DCC: variants seen among roughly 807,000 people sequenced by gnomAD.
DCC encodes netrin receptor DCC.
Under a neutral mutation model 172.5 loss-of-function variants are expected in DCC, and 58 were observed. The ratio of observed to expected loss-of-function variants is 0.34; its 90% confidence interval spans 0.27 to 0.42. The LOEUF is 0.42. Ranked by LOEUF, DCC falls within the 10% of genes least tolerant of loss-of-function variation. The pLI is 1.00. For synonymous variants in DCC, 709 were observed against 644.5 expected, an observed-to-expected ratio of 1.10 and a Z score of -1.52; for missense variants, 1,740 against 1,791.0, an observed-to-expected ratio of 0.97 and a Z score of 0.51.
chr18:53,246,081 A>T (rs1437733552), intron 12 of DCC, among the ~76,000 whole-genome samples: 1 of 152,076 alleles, frequency 6.6e-6, no homozygotes, highest in African/African-American at 2.4e-5. Flanking sequence ...ACTTGCAATC[A>T]TCATGACGTT....
intron 3 of DCC, among the ~76,000 whole-genome samples, chr18:52,916,785 G>A (rs2040047478): frequency 6.6e-6 from 1 of 152,014 alleles, no homozygotes; most frequent in African/African-American, 2.4e-5. Flanking sequence ...CCAACTACAT[G>A]TTTGTTTGAG....
intron 12 of DCC, among the ~76,000 whole-genome samples, chr18:53,240,127 A>ATATGAAAGTTATAATTAC (rs1156799923): frequency 6.6e-6 from 1 of 151,908 alleles, no homozygotes; most frequent in Non-Finnish European, 1.5e-5. Context: ...AGAAGAATAA[A>ATATGAAAGTTATAATTAC]TATGAAAGTT....
At chr18:53,400,892 C>G (rs1909255369) in intron 18 of DCC, among the ~76,000 whole-genome samples, 1 of 152,126 alleles carries the variant, frequency 6.6e-6, no homozygotes, top group Admixed American at 6.5e-5. Flanking sequence ...AAACAAACAT[C>G]AATTTGAATT....
At chr18:52,999,654 T>A (rs2041535036) in intron 5 of DCC, among the ~76,000 whole-genome samples, 1 of 152,118 alleles carries the variant, frequency 6.6e-6, no homozygotes. Flanking sequence ...ATAAGTATCT[T>A]CCCTTTCAAA....
At chr18:53,510,251 TAAA>T (rs1221641125) in intron 27 of DCC, among the ~76,000 whole-genome samples, 2 of 152,194 alleles carry the variant, frequency 1.3e-5, no homozygotes, top group East Asian at 3.8e-4. Context: ...CATCATTTAA[TAAA>T]AATTTCCCAT....
chr18:52,493,903 T>A (rs569225179), intron 1 of DCC, among the ~76,000 whole-genome samples: 1 of 152,202 alleles, frequency 6.6e-6, no homozygotes, highest in African/African-American at 2.4e-5. Context: ...AAACACTAAT[T>A]TCCCTTGAAA....
chr18:53,050,423 A>AT (rs986272284), intron 5 of DCC, among the ~76,000 whole-genome samples: 5 of 151,966 alleles, frequency 3.3e-5, no homozygotes, highest in Admixed American at 1.3e-4. Context: ...AATGTTTTCC[A>AT]TTTTTTTGTG....
intron 21 of DCC, among the ~76,000 whole-genome samples, chr18:53,417,025 T>C (rs1028849752): frequency 1.3e-5 from 2 of 152,200 alleles, no homozygotes; most frequent in African/African-American, 2.4e-5. Flanking sequence ...TATTTGTAGA[T>C]TGAGAGTCTG....
At chr18:53,080,937 G>A (rs1320217398) in intron 7 of DCC, among the ~76,000 whole-genome samples, 8 of 151,976 alleles carry the variant, frequency 5.3e-5, no homozygotes, top group African/African-American at 1.7e-4. Flanking sequence ...ATTCCTCCTT[G>A]CTGGACATAT....
intron 3 of DCC, among the ~76,000 whole-genome samples, chr18:52,906,953 G>C (rs1466641349): frequency 6.6e-6 from 1 of 151,788 alleles, no homozygotes; most frequent in South Asian, 2.1e-4. Context: ...AGAAAATGTG[G>C]TAAAGTGTGA....
At chr18:52,442,629 G>A (rs376829605) in intron 1 of DCC, among the ~76,000 whole-genome samples, 102 of 152,228 alleles carry the variant, frequency 6.7e-4, no homozygotes, top group African/African-American at 2.3e-3. Context: ...CTCCTTGATG[G>A]ACATCTCTGA....
intron 2 of DCC, among the ~76,000 whole-genome samples, chr18:52,845,421 T>A (rs1247178024): frequency 6.6e-6 from 1 of 152,210 alleles, no homozygotes; most frequent in Non-Finnish European, 1.5e-5. Flanking sequence ...CATAATGCAA[T>A]GCCTAGCAAT....
chr18:52,392,334 A>G (rs1237549672), intron 1 of DCC, among the ~76,000 whole-genome samples: 1 of 152,134 alleles, frequency 6.6e-6, no homozygotes, highest in Non-Finnish European at 1.5e-5. Context: ...TCTCATGTTC[A>G]GTAAAACAAA....
chr18:53,051,909 A>C (rs1435454563), intron 5 of DCC, among the ~76,000 whole-genome samples: 1 of 152,056 alleles, frequency 6.6e-6, no homozygotes, highest in Non-Finnish European at 1.5e-5. Context: ...CCTATTCTTT[A>C]ACTTTGAATA....
chr18:53,501,907 A>G (rs2046105164), intron 27 of DCC, among the ~76,000 whole-genome samples: 1 of 149,804 alleles, frequency 6.7e-6, no homozygotes, highest in South Asian at 2.1e-4. Flanking sequence ...AATTACATTA[A>G]TGCCAAAGCT....
chr18:52,742,977 G>T (rs1434310732), intron 1 of DCC, among the ~76,000 whole-genome samples: 1 of 152,122 alleles, frequency 6.6e-6, no homozygotes, highest in Non-Finnish European at 1.5e-5. Flanking sequence ...CTGTTAAAAT[G>T]ATCATTATTG....
chr18:52,921,332 T>TA (rs2040121857), intron 3 of DCC, among the ~76,000 whole-genome samples: 1 of 152,104 alleles, frequency 6.6e-6, no homozygotes, highest in Admixed American at 6.6e-5. Flanking sequence ...GTTTTGTAAA[T>TA]AAAAAATTTT....
intron 5 of DCC, among the ~76,000 whole-genome samples, chr18:52,936,090 G>A (rs1231428399): frequency 6.6e-6 from 1 of 152,198 alleles, no homozygotes; most frequent in South Asian, 2.1e-4. Context: ...CCTAAATGTA[G>A]GATACAGGTG....
chr18:53,439,501 T>A (rs1432803493), intron 22 of DCC, among the ~76,000 whole-genome samples: 2 of 152,190 alleles, frequency 1.3e-5, no homozygotes, highest in Non-Finnish European at 2.9e-5. Context: ...CTTCAAAGCA[T>A]TGTAATAGAA....
Sources: gnomAD v4.1 joint callset for allele counts (sites outside exome capture counted in the v4.1 genomes callset) on GRCh38, gnomAD v4.1.1 for gene constraint, MANE v1.5 for transcripts, NCBI Gene and HGNC (gene_info 2026-07-23, HGNC 2026-07-21) for gene names.